The following SPOPL variants were observed in gnomAD, a reference collection of about 807,000 sequenced individuals.
SPOPL encodes the protein speckle type BTB/POZ protein like.
A neutral mutation model predicts 53.8 loss-of-function variants in SPOPL; 23 were observed. That is an observed-to-expected ratio of 0.43 (90% CI 0.31 to 0.61). SPOPL has a LOEUF of 0.61. SPOPL is among the 20% of genes least tolerant of loss of function. The pLI is 0.12. For missense variants in SPOPL, 442 were observed against 466.9 expected (o/e 0.95, Z 0.49); for synonymous variants, 164 against 149.7 (o/e 1.10, Z -0.70).
intron 3 of SPOPL, 65 bp downstream of exon 3, chr2:138,550,669 A>G (rs1685294810): frequency 6.5e-7 from 1 of 1,542,654 alleles, no homozygotes; most frequent in African/African-American, 1.4e-5. Context: ...GCTGCTCATG[A>G]TTTTGTTATC....
In SPOPL at chr2:138,560,663, A is replaced by G. The variant is rs115257908; in HGVS notation, c.715-142A>G. The G allele has an allele frequency of 1.6e-3, 1,466 of 921,390 alleles. 23 individuals are homozygous for G. The African/African-American group carries it at 0.023, about 15-fold the overall frequency. 57.1% of individuals were successfully genotyped at this position (921,390 alleles called of 1,614,324 possible). On this transcript the variant is annotated intron_variant, in intron 7 of 10. Transcript: ENST00000280098. Reference sequence around the variant, plus strand: ...ACCTCAATTTTAAAGTAGAATTTAGAAATATCTGTGTATGTATATTTGAGT... The same window carrying G: ...ACCTCAATTTTAAAGTAGAATTTAGGAATATCTGTGTATGTATATTTGAGT...
chr2:138,533,064 T>G (rs1304028877), intron 1 of SPOPL, among the ~76,000 whole-genome samples: 1 of 152,198 alleles, frequency 6.6e-6, no homozygotes, highest in African/African-American at 2.4e-5. Flanking sequence ...TTTTACTTAC[T>G]GTTTCTACTC....
chr2:138,532,334 T>TG lies in SPOPL; in HGVS notation c.-60-17822dup, dbSNP rs200938029. ...TGGGTAAAGTGTGGATTCTCGCTCT[T>TG]GCATTATGCTTAGAATCTGCAAATA... is the stretch of plus-strand genomic sequence containing the variant. On this transcript the variant is annotated intron_variant, in intron 1 of 10. Coordinates refer to ENST00000280098, the MANE Select transcript of SPOPL (RefSeq NM_001001664.3). 2.2e-3 allele frequency among the ~76,000 whole-genome samples: 340 copies of TG among 152,180 alleles called. 3 individuals carry two copies. The highest frequency in any genetic ancestry group is 7.8e-3 in the African/African-American group (322 of 41,504).
chr2:138,540,995 G>C (rs1442686546), intron 1 of SPOPL, among the ~76,000 whole-genome samples: 1 of 152,148 alleles, frequency 6.6e-6, no homozygotes, highest in Admixed American at 6.5e-5. Context: ...CATCTATTGA[G>C]ATAATCATAT....
At chr2:138,555,281 T>C (rs534745196) in intron 5 of SPOPL, among the ~76,000 whole-genome samples, 2 of 152,240 alleles carry the variant, frequency 1.3e-5, no homozygotes, top group East Asian at 1.9e-4. Flanking sequence ...CCTGTCAACA[T>C]TGTTGCATTG....
chr2:138,534,897 C>G (rs6718449), intron 1 of SPOPL, among the ~76,000 whole-genome samples: 22,564 of 152,250 alleles, frequency 0.15, 1,893 homozygotes, highest in African/African-American at 0.22. Context: ...ATAATGTTTT[C>G]AAGATTCATT....
At chr2:138,516,875 C>T (rs1026796716) in intron 1 of SPOPL, among the ~76,000 whole-genome samples, 3 of 152,330 alleles carry the variant, frequency 2.0e-5, no homozygotes, top group South Asian at 4.1e-4. Flanking sequence ...GGTTTATCTG[C>T]TTTAATTGAG....
intron 1 of SPOPL, among the ~76,000 whole-genome samples, chr2:138,535,943 T>A (rs1684922151): frequency 6.6e-6 from 1 of 152,150 alleles, no homozygotes; most frequent in Non-Finnish European, 1.5e-5. Context: ...TTCAGTTATA[T>A]GGTTCAGCTC....
intron 10 of SPOPL, among the ~76,000 whole-genome samples, chr2:138,565,756 CAG>C (rs1685646852): frequency 6.8e-6 from 1 of 147,128 alleles, no homozygotes; most frequent in South Asian, 2.1e-4. Flanking sequence ...TTTTTTGAGA[CAG>C]AGTCTCACAC....
intron 1 of SPOPL, among the ~76,000 whole-genome samples, chr2:138,509,236 C>T (rs1684277678): frequency 2.0e-5 from 3 of 152,084 alleles, no homozygotes; most frequent in Admixed American, 1.3e-4. Flanking sequence ...TCCCCTTCCC[C>T]CAACACACAC....
chr2:138,553,390 A>G (rs1573902233), intron 5 of SPOPL, among the ~76,000 whole-genome samples: 1 of 152,276 alleles, frequency 6.6e-6, no homozygotes, highest in East Asian at 1.9e-4. Context: ...CAAGGATTAT[A>G]TTTTTAACCT....
Position 138,569,236 on chromosome 2 carries a change from T to G in SPOPL, c.*156T>G. 1.3e-6 allele frequency: 1 copy of G among 790,538 alleles called. No individual in the cohort carries two copies. Among genetic ancestry groups the G allele is most frequent in the Non-Finnish European group, 2.0e-6 (1 of 495,472 alleles). 49.0% of individuals were successfully genotyped at this position (790,538 alleles called of 1,614,324 possible). On this transcript the variant is annotated 3_prime_UTR_variant, in exon 11 of 11. Coordinates refer to ENST00000280098, the MANE Select transcript of SPOPL (RefSeq NM_001001664.3). The stretch of plus-strand genomic sequence containing the variant: ...ATTGCTTGCATTTCAGGTGGATAAT[T>G]TATGGTTTATTCTTCAGCTTTAAAT...
intron 5 of SPOPL, among the ~76,000 whole-genome samples, chr2:138,556,059 C>A (rs944550005): frequency 6.6e-6 from 1 of 151,978 alleles, no homozygotes; most frequent in Non-Finnish European, 1.5e-5. Context: ...AGAAAATAAT[C>A]AGAATCCATT....
At chr2:138,514,146 G>A (rs1050177850) in intron 1 of SPOPL, among the ~76,000 whole-genome samples, 1 of 152,124 alleles carries the variant, frequency 6.6e-6, no homozygotes, top group Admixed American at 6.5e-5. Flanking sequence ...TTTTGCCAAG[G>A]TTGAGGACCT....
chr2:138,545,378 C>T (rs1291948635), intron 1 of SPOPL, among the ~76,000 whole-genome samples: 1 of 152,038 alleles, frequency 6.6e-6, no homozygotes, highest in Non-Finnish European at 1.5e-5. Flanking sequence ...AGCCCTTTCT[C>T]ACTGAAATTC....
At position 138,525,656 on chromosome 2, in the gene SPOPL, G is replaced by GAAAAAAAA. The variant is rs71406327; in HGVS notation, c.-61+23548_-61+23555dup. 8.0e-4 allele frequency among the ~76,000 whole-genome samples: 24 copies of GAAAAAAAA among 30,010 alleles called. No individual in the cohort carries two copies. In the East Asian group the frequency reaches 0.025, roughly 31 times the overall value. The allele number at this position is 30,010 out of a possible 152,430, so 19.7% of individuals were successfully genotyped here. A position where few individuals can be genotyped will look rare whatever the true frequency, so the allele number is the denominator to read the frequency against. On this transcript the variant is annotated intron_variant, in intron 1 of 10. Coordinates refer to ENST00000280098, the MANE Select transcript of SPOPL (RefSeq NM_001001664.3). ...AAGACCTGCATCAGTATAAAAAGTAGAAAAAAAAAAAAAAAAAATACACAA... is the reference window on the plus strand; with the variant it reads ...AAGACCTGCATCAGTATAAAAAGTAGAAAAAAAAAAAAAAAAAAAAAAAAAATACACAA...
intron 1 of SPOPL, among the ~76,000 whole-genome samples, chr2:138,544,298 T>C (rs1685141653): frequency 2.0e-5 from 3 of 152,218 alleles, no homozygotes; most frequent in South Asian, 2.1e-4. Flanking sequence ...AGGATTCTGC[T>C]GCCTTTTGTT....
At chr2:138,557,368 A>C (rs1005963426) in intron 5 of SPOPL, among the ~76,000 whole-genome samples, 2 of 152,228 alleles carry the variant, frequency 1.3e-5, no homozygotes, top group Non-Finnish European at 2.9e-5. Flanking sequence ...TAATAAAAAT[A>C]TCCTCAGAAA....
chr2:138,509,781 G>A (rs763554844), intron 1 of SPOPL, among the ~76,000 whole-genome samples: 4 of 152,062 alleles, frequency 2.6e-5, no homozygotes, highest in Non-Finnish European at 5.9e-5. Context: ...ATCATCCAGA[G>A]TGCATGGTTT....
Sources: allele counts gnomAD v4.1 joint callset (sites outside exome capture counted in the v4.1 genomes callset), GRCh38; gene constraint gnomAD v4.1.1; transcripts MANE v1.5; gene names NCBI Gene and HGNC (gene_info 2026-07-23, HGNC 2026-07-21).